PDE6B: variants seen among roughly 807,000 people sequenced by gnomAD.
The protein encoded by PDE6B is rod cGMP-specific 3',5'-cyclic phosphodiesterase subunit beta.
Under a neutral mutation model 109.0 loss-of-function variants are expected in PDE6B, and 106 were observed. That is an observed-to-expected ratio of 0.97 (90% CI 0.83 to 1.14). PDE6B has a LOEUF of 1.14. PDE6B is among the 50% of genes most tolerant of loss of function. The pLI is 0.00. For synonymous variants in PDE6B, 490 were observed against 471.3 expected (o/e 1.04, Z -0.51); for missense variants, 1,193 against 1,155.6 (o/e 1.03, Z -0.47).
rs570324313 is a variant in PDE6B, at chr4:634,772, G to T, written c.564G>T (p.Ala188=). The change falls in exon 2 of 22, where the codon GCG becomes GCT. Residue 188 remains alanine (A), a synonymous_variant. Transcript: ENST00000496514. ...TCATGAATGGCAAAGACGTCGTGGC[G>T]GTGATCATGGCAGTGAACAAGCTCA... The part of the protein sequence containing the change: ...TPIMNGKDVV[A]VIMAVNKLNG... 6.2e-7 allele frequency: 1 copy of T among 1,613,798 alleles called. No homozygotes were observed. The highest frequency in any genetic ancestry group is 1.6e-4 in the Middle Eastern group (1 of 6,062).
chr4:659,327 A>G (rs141074641), intron 11 of PDE6B, among the ~76,000 whole-genome samples: 2 of 151,932 alleles, frequency 1.3e-5, no homozygotes, highest in African/African-American at 4.8e-5. Flanking sequence ...TTTAGTTTTC[A>G]CCGGATGTTT....
intron 1 of PDE6B, among the ~76,000 whole-genome samples, chr4:628,180 T>TCCTCATGAAGTGCAAAG (rs957714311): frequency 1.3e-4 from 19 of 145,734 alleles, no homozygotes; most frequent in African/African-American, 2.3e-4. Flanking sequence ...GAAGTGCAAA[T>TCCTCATGAAGTGCAAAG]CCTCATGAAG....
intron 1 of PDE6B, among the ~76,000 whole-genome samples, chr4:629,214 C>T (rs754635239): frequency 8.5e-5 from 13 of 152,186 alleles, no homozygotes; most frequent in Non-Finnish European, 1.5e-4. Context: ...TGTGAGGTGG[C>T]ATGGCCTTCC....
chr4:660,929 A>G (rs972445462), intron 12 of PDE6B, among the ~76,000 whole-genome samples: 2 of 15,722 alleles, frequency 1.3e-4, no homozygotes, highest in Non-Finnish European at 2.5e-4. Context: ...AAAGAAACAA[A>G]GGAAGAATAA....
chr4:667,459 C>T lies in PDE6B; in HGVS notation c.2353-397C>T, dbSNP rs112072140. Among the ~76,000 whole-genome samples, 1,188 of 152,320 alleles carry T rather than the reference C, an allele frequency of 7.8e-3. 9 individuals carry two copies. The highest frequency in any genetic ancestry group is 0.025 in the African/African-American group (1,057 of 41,566). On this transcript the variant is annotated intron_variant, in intron 20 of 21. Coordinates refer to ENST00000496514, the MANE Select transcript of PDE6B (RefSeq NM_000283.4). Reference sequence around the variant, plus strand: ...TCCATGTGTGATGTGCGCGAGTGCACGCGTGTGCTGTGCTTGCATGATGTG... The same window carrying T: ...TCCATGTGTGATGTGCGCGAGTGCATGCGTGTGCTGTGCTTGCATGATGTG...
chr4:629,206 T>C (rs1433446940), intron 1 of PDE6B, among the ~76,000 whole-genome samples: 2 of 151,994 alleles, frequency 1.3e-5, no homozygotes, highest in East Asian at 3.9e-4. Context: ...AGTGGGCCTG[T>C]GAGGTGGCAT....
chr4:637,692 C>T (rs962001668), intron 3 of PDE6B, among the ~76,000 whole-genome samples: 5 of 152,256 alleles, frequency 3.3e-5, no homozygotes, highest in South Asian at 2.1e-4. Flanking sequence ...CAGGCCCTCT[C>T]GTCCGGCACA....
chr4:655,953 G>A lies in PDE6B; in HGVS notation c.1006G>A (p.Asp336Asn), dbSNP rs751003798. The A allele has an allele frequency of 1.7e-5, 27 of 1,609,702 alleles. No homozygotes were observed. The highest frequency in any genetic ancestry group is 8.0e-5 in the African/African-American group (6 of 74,852). The change falls in exon 7 of 22, where the codon GAT becomes AAT. Residue 336 changes from aspartate to asparagine, a missense_variant. Physicochemically the swap from Asp to Asn is conservative, Grantham distance 23. Coordinates refer to ENST00000496514, the MANE Select transcript of PDE6B (RefSeq NM_000283.4). ...EIKVIPTPSA[D>N]HWALASGLPS... ...CTCTGCCCACAGCACACCCTCAGCC[G>A]ATCACTGGGCCCTGGCCAGCGGCCT...
At chr4:664,820 A>G in intron 17 of PDE6B, 61 bp from the exon 18 acceptor site, 2 of 1,320,910 alleles carry the variant, frequency 1.5e-6, no homozygotes, top group Admixed American at 1.7e-5. Context: ...AAGAAAACAC[A>G]TATAAACCAC....
Position 626,053 on chromosome 4 carries a change from G to T in PDE6B, c.427G>T (p.Ala143Ser). 6.3e-7 allele frequency: 1 copy of T among 1,596,224 alleles called. No homozygotes were observed. Among genetic ancestry groups the T allele is most frequent in the Non-Finnish European group, 8.5e-7 (1 of 1,172,232 alleles). ...PLDIGVVGHV[A>S]QTKKMVNVED... is the part of the protein sequence containing the mutation. ...GGACATCGGGGTCGTGGGCCACGTG[G>T]CTCAGACCAAAAAGATGGTGAACGT... The change falls in exon 1 of 22, where the codon GCT becomes TCT. Residue 143 changes from alanine to serine, a missense_variant. By Grantham distance (99) the Ala-to-Ser change is moderately conservative (BLOSUM62 1). Transcript: ENST00000496514. The surrounding 1 kb of genome is among the most constrained non-coding windows in gnomAD (Gnocchi z 4.6).
chr4:663,936 C>T lies in PDE6B; in HGVS notation c.2021+66C>T, dbSNP rs1398971242. Reference sequence around the variant, plus strand: ...GGTAGCCTGGGACCCCCGGCAGACACGGGGGCGCAGCGGCGGCACAGCCCG... The same window carrying T: ...GGTAGCCTGGGACCCCCGGCAGACATGGGGGCGCAGCGGCGGCACAGCCCG... On this transcript the variant is annotated intron_variant, in intron 16 of 21. Coordinates refer to ENST00000496514, the MANE Select transcript of PDE6B (RefSeq NM_000283.4). The surrounding 1 kb of genome is among the most constrained non-coding windows in gnomAD (Gnocchi z 4.0). 2.4e-6 allele frequency: 3 copies of T among 1,261,168 alleles called. No homozygotes were observed. The highest frequency in any genetic ancestry group is 3.4e-6 in the Non-Finnish European group (3 of 892,076). 78.1% of individuals were successfully genotyped at this position (1,261,168 alleles called of 1,614,324 possible).
At chr4:651,346 G>A (rs1463899101) in intron 3 of PDE6B, among the ~76,000 whole-genome samples, 1 of 152,188 alleles carries the variant, frequency 6.6e-6, no homozygotes, top group Non-Finnish European at 1.5e-5. Flanking sequence ...GGGGCCCCAG[G>A]GGTTGGTGGG....
intron 3 of PDE6B, among the ~76,000 whole-genome samples, chr4:649,789 C>T (rs1735403933): frequency 6.6e-6 from 1 of 152,146 alleles, no homozygotes; most frequent in African/African-American, 2.4e-5. Context: ...GGCTGGGCAG[C>T]CAGTGGGGAT....
At chr4:670,025 A>G in intron 21 of PDE6B, 21 bp from the exon 22 acceptor site, 1 of 1,609,138 alleles carries the variant, frequency 6.2e-7, no homozygotes, top group Non-Finnish European at 8.5e-7. Flanking sequence ...TCCACTCACC[A>G]TCTTCTGTCT....
intron 3 of PDE6B, among the ~76,000 whole-genome samples, chr4:646,853 C>T (rs74380992): frequency 1.3e-5 from 2 of 151,696 alleles, no homozygotes; most frequent in African/African-American, 4.9e-5. Flanking sequence ...TATTGATCAT[C>T]ATAATTTTCC....
chr4:644,589 G>A (rs1189146568), intron 3 of PDE6B, among the ~76,000 whole-genome samples: 1 of 151,918 alleles, frequency 6.6e-6, no homozygotes, highest in African/African-American at 2.4e-5. Context: ...GAGCGCAGTG[G>A]TGTGATCTCA....
At chr4:668,034 GGGACTCGGTGACTCTCCCAAGGCAA>G (rs749296556) in intron 21 of PDE6B, 28 bp downstream of exon 21, 2 of 1,602,802 alleles carry the variant, frequency 1.2e-6, no homozygotes, top group Non-Finnish European at 1.7e-6. Context: ...CTGTGGGGCA[GGGACTCGGTGACTCTCCCAAGGCAA>G]AATGAAAAGA....
In PDE6B at chr4:666,650, C is replaced by G; in HGVS notation, c.2352+36C>G. 1 of 1,458,244 alleles carries G rather than the reference C, an allele frequency of 6.9e-7. No individual in the cohort carries two copies. The highest frequency in any genetic ancestry group is 9.6e-7 in the Non-Finnish European group (1 of 1,038,224). The allele number at this position is 1,458,244 out of a possible 1,614,324, so 90.3% of individuals were successfully genotyped here. A position where few individuals can be genotyped will look rare whatever the true frequency, so the allele number is the denominator to read the frequency against. On this transcript the variant is annotated intron_variant, in intron 20 of 21. Coordinates refer to ENST00000496514, the MANE Select transcript of PDE6B (RefSeq NM_000283.4). This position sits in a 1 kb window ranked among gnomAD's most constrained non-coding sequence, Gnocchi z 5.6. ...CACGGGTGTTCCGAGCTGACTGGGG[C>G]AGGGTGGCTGGGAGCAGGCAAGGGG...
rs917003894 is a variant in PDE6B at position 636,028 on chromosome 4, G to A, written c.711+59G>A. ...GGGCCAGGGTCCCTCCGCCCATCTC[G>A]CTGCCTGCACAGAGGCGGGTGGTGG... On this transcript the variant is annotated intron_variant, in intron 3 of 21. Transcript: ENST00000496514. The surrounding 1 kb of genome is among the most constrained non-coding windows in gnomAD (Gnocchi z 4.5). 36 of 990,328 alleles carry A rather than the reference G, an allele frequency of 3.6e-5. No individual in the cohort carries two copies. Among genetic ancestry groups the A allele is most frequent in the South Asian group, 1.1e-4 (9 of 78,736 alleles). The allele number at this position is 990,328 out of a possible 1,614,324, so 61.3% of individuals were successfully genotyped here.
Sources: allele counts gnomAD v4.1 joint callset (sites outside exome capture counted in the v4.1 genomes callset), GRCh38; gene constraint gnomAD v4.1.1; non-coding constraint Gnocchi (gnomAD v3.1); transcripts MANE v1.5; gene names NCBI Gene and HGNC (gene_info 2026-07-23, HGNC 2026-07-21).